MAGI2: variants seen among roughly 807,000 people sequenced by gnomAD.
MAGI2 encodes the protein membrane-associated guanylate kinase, WW and PDZ domain-containing protein 2.
A neutral mutation model predicts 133.3 loss-of-function variants in MAGI2; 35 were observed. The ratio of observed to expected loss-of-function variants is 0.26; its 90% CI spans 0.20 to 0.35. The LOEUF (loss-of-function observed/expected upper bound fraction) is 0.35, where lower values mean the gene tolerates loss of function less well. Ranked by LOEUF, MAGI2 falls within the 10% of genes least tolerant of loss-of-function variation. The pLI, the probability that MAGI2 is intolerant of heterozygous loss-of-function variation, is 1.00. For synonymous variants in MAGI2, 729 were observed against 710.6 expected, an observed-to-expected ratio of 1.03 and a Z score of -0.41; for missense variants, 1,636 against 1,863.4, an observed-to-expected ratio of 0.88 and a Z score of 2.25.
chr7:78,573,076 T>TATATATATAC (rs1230373322), intron 3 of MAGI2, among the ~76,000 whole-genome samples: 2 of 52,580 alleles, frequency 3.8e-5, no homozygotes, highest in Non-Finnish European at 6.2e-5. Context: ...TATATATATA[T>TATATATATAC]ACACACACAC....
intron 1 of MAGI2, among the ~76,000 whole-genome samples, chr7:79,239,146 A>T (rs550598308): frequency 6.6e-6 from 1 of 152,322 alleles, no homozygotes; most frequent in Non-Finnish European, 1.5e-5. Flanking sequence ...AAATTATATT[A>T]CTACATGAAC....
At chr7:78,204,097 T>A (rs1829513205) in intron 10 of MAGI2, among the ~76,000 whole-genome samples, 1 of 152,224 alleles carries the variant, frequency 6.6e-6, no homozygotes, top group Non-Finnish European at 1.5e-5. Flanking sequence ...AAAAGCAAGA[T>A]AAGACTTCTG....
intron 1 of MAGI2, among the ~76,000 whole-genome samples, chr7:79,340,420 T>A (rs1456051847): frequency 6.6e-6 from 1 of 152,172 alleles, no homozygotes; most frequent in African/African-American, 2.4e-5. Context: ...CCTCCCACTG[T>A]CTGGAGTTCT....
intron 2 of MAGI2, among the ~76,000 whole-genome samples, chr7:78,650,093 G>C (rs1019600857): frequency 6.6e-6 from 1 of 152,054 alleles, no homozygotes; most frequent in Non-Finnish European, 1.5e-5. Context: ...GCCTGGAGTA[G>C]GTAACTCAGT....
In MAGI2 at chr7:79,406,343, T is replaced by C. The variant is rs148358985; in HGVS notation, c.301+46677A>G. ...ATGCGGGTGAAGTGTTAATTTTGCA[T>C]TATTTCAATCATAAATGTAACTAGA... On this transcript the variant is annotated intron_variant, in intron 1 of 21. Transcript: ENST00000354212. 2.5e-3 allele frequency among the ~76,000 whole-genome samples: 374 copies of C among 152,190 alleles called. 1 individual carries two copies. Among genetic ancestry groups the C allele is most frequent in the African/African-American group, 8.3e-3 (345 of 41,554 alleles).
chr7:79,119,522 A>C (rs1477768164), intron 1 of MAGI2, among the ~76,000 whole-genome samples: 1 of 152,140 alleles, frequency 6.6e-6, no homozygotes, highest in Non-Finnish European at 1.5e-5. Context: ...AAAGTAAAAC[A>C]TATGAAATTC....
At chr7:78,518,696 C>T (rs1796244351) in intron 4 of MAGI2, 1 of 152,042 alleles carries the variant, frequency 6.6e-6, no homozygotes, top group African/African-American at 2.4e-5. Context: ...TGATATAGGG[C>T]AGTGTTAACT....
chr7:78,185,324 A>G (rs1368201933), intron 13 of MAGI2, among the ~76,000 whole-genome samples: 1 of 152,192 alleles, frequency 6.6e-6, no homozygotes, highest in Non-Finnish European at 1.5e-5. Flanking sequence ...TGGCTACTGT[A>G]TTACACAGCA....
At position 78,345,989 on chromosome 7, in the gene MAGI2, C is replaced by T. The variant is rs192861558; in HGVS notation, c.1158G>A (p.Lys386=). ...FENPVLEAKR[K]LQQHNMPHTE... Reference sequence around the variant, plus strand: ...TGTGGGGCATGTTATGTTGCTGTAGCTTCCTTTTTGCTTCCAGGACAGGAT... The same window carrying T: ...TGTGGGGCATGTTATGTTGCTGTAGTTTCCTTTTTGCTTCCAGGACAGGAT... The change falls in exon 8 of 22, where the codon AAG becomes AAA. Residue 386 remains lysine, a synonymous_variant. Coordinates refer to ENST00000354212, the MANE Select transcript of MAGI2 (RefSeq NM_012301.4). The T allele has an allele frequency of 5.7e-5, 92 of 1,614,198 alleles. No individual in the cohort carries two copies. The highest frequency in any genetic ancestry group is 7.5e-5 in the Non-Finnish European group (88 of 1,180,026).
intron 1 of MAGI2, among the ~76,000 whole-genome samples, chr7:79,140,314 C>A (rs1168344655): frequency 6.6e-6 from 1 of 152,116 alleles, no homozygotes; most frequent in South Asian, 2.1e-4. Context: ...GTAATTTAAT[C>A]TCTGCATATC....
chr7:78,801,870 CA>C (rs1788088647), intron 2 of MAGI2, among the ~76,000 whole-genome samples: 1 of 152,092 alleles, frequency 6.6e-6, no homozygotes, highest in Admixed American at 6.6e-5. Context: ...CTATTGTTAC[CA>C]TTAAACTTGT....
At chr7:78,530,228 C>T (rs1450599468) in intron 3 of MAGI2, among the ~76,000 whole-genome samples, 3 of 151,404 alleles carry the variant, frequency 2.0e-5, no homozygotes, top group African/African-American at 7.4e-5. Flanking sequence ...CTGTAGGTGA[C>T]AATGTGTCAA....
chr7:79,416,703 T>C (rs1846539194), intron 1 of MAGI2, among the ~76,000 whole-genome samples: 1 of 150,316 alleles, frequency 6.7e-6, no homozygotes, highest in Non-Finnish European at 1.5e-5. Flanking sequence ...CCATTGTTTC[T>C]TTTTTCTTTT....
intron 9 of MAGI2, among the ~76,000 whole-genome samples, chr7:78,257,530 G>T (rs903049263): frequency 9.9e-5 from 15 of 152,112 alleles, no homozygotes; most frequent in Non-Finnish European, 8.8e-5. Context: ...CTAACTTTAT[G>T]ATTAGAAATG....
intron 1 of MAGI2, among the ~76,000 whole-genome samples, chr7:79,041,614 C>T (rs567298617): frequency 6.6e-6 from 1 of 151,992 alleles, no homozygotes; most frequent in East Asian, 1.9e-4. Flanking sequence ...CTGAGAAATG[C>T]TACTTTTAAA....
intron 1 of MAGI2, among the ~76,000 whole-genome samples, chr7:79,080,106 T>C (rs1364406748): frequency 6.6e-6 from 1 of 152,178 alleles, no homozygotes; most frequent in African/African-American, 2.4e-5. Context: ...CTGCTTCAAA[T>C]GTTCACAGTG....
At chr7:78,545,748 T>C (rs77138854) in intron 3 of MAGI2, among the ~76,000 whole-genome samples, 4,673 of 152,280 alleles carry the variant, frequency 0.031, 251 homozygotes, top group African/African-American at 0.11. Context: ...TAGAACATAT[T>C]GATATTTCAT....
intron 2 of MAGI2, among the ~76,000 whole-genome samples, chr7:78,643,095 A>G (rs2150992915): frequency 6.6e-6 from 1 of 152,348 alleles, no homozygotes; most frequent in East Asian, 1.9e-4. Context: ...CACATTGTAT[A>G]CATGTACCAA....
At chr7:78,597,228 C>T (rs1320781095) in intron 3 of MAGI2, among the ~76,000 whole-genome samples, 3 of 152,096 alleles carry the variant, frequency 2.0e-5, no homozygotes, top group Non-Finnish European at 2.9e-5. Flanking sequence ...TTATCTATAG[C>T]ACTGAGTTAT....
Sources: allele counts gnomAD v4.1 joint callset (sites outside exome capture counted in the v4.1 genomes callset), GRCh38; gene constraint gnomAD v4.1.1; transcripts MANE v1.5; gene names NCBI Gene and HGNC (gene_info 2026-07-23, HGNC 2026-07-21).